RALYL: variants seen among roughly 807,000 people sequenced by gnomAD.
RALYL encodes the protein RALY RNA binding protein like, also known as RNA-binding Raly-like protein.
RALYL carries 29 observed loss-of-function variants against 35.1 expected under a neutral mutation model. That is an observed-to-expected ratio of 0.83 (90% CI 0.61 to 1.13). The LOEUF (loss-of-function observed/expected upper bound fraction) is 1.13. Ranked by LOEUF, RALYL falls within the 50% of genes most tolerant of loss-of-function variation. RALYL has a pLI of 0.00. For synonymous variants in RALYL, 120 were observed against 127.6 expected (o/e 0.94, Z 0.40); for missense variants, 359 against 360.4 (o/e 1.00, Z 0.03).
chr8:84,698,433 T>C (rs557950429), intron 2 of RALYL, among the ~76,000 whole-genome samples: 10 of 152,182 alleles, frequency 6.6e-5, no homozygotes, highest in Non-Finnish European at 1.0e-4. Flanking sequence ...CCAATGATAA[T>C]AACATATATT....
chr8:84,634,258 C>T (rs1203029650), intron 2 of RALYL, among the ~76,000 whole-genome samples: 1 of 151,730 alleles, frequency 6.6e-6, no homozygotes, highest in Non-Finnish European at 1.5e-5. Context: ...TTTCTTTCCT[C>T]CCTACTTTTG....
At chr8:84,803,599 C>G (rs1823873577) in intron 3 of RALYL, among the ~76,000 whole-genome samples, 1 of 152,178 alleles carries the variant, frequency 6.6e-6, no homozygotes, top group South Asian at 2.1e-4. Flanking sequence ...TGCTTCTACC[C>G]TACCTAGAGC....
chr8:84,628,731 GC>G (rs1823287047), intron 2 of RALYL, among the ~76,000 whole-genome samples: 1 of 151,988 alleles, frequency 6.6e-6, no homozygotes, highest in African/African-American at 2.4e-5. Context: ...GGATAGAGGG[GC>G]CTAGCAGGAA....
At chr8:84,918,126 A>G (rs1194747760) in intron 8 of RALYL, among the ~76,000 whole-genome samples, 1 of 152,050 alleles carries the variant, frequency 6.6e-6, no homozygotes, top group Non-Finnish European at 1.5e-5. Flanking sequence ...CCCTAAAAAT[A>G]CAGATGATGT....
At chr8:84,839,710 G>T (rs944693470) in intron 4 of RALYL, among the ~76,000 whole-genome samples, 3 of 152,218 alleles carry the variant, frequency 2.0e-5, no homozygotes, top group African/African-American at 7.2e-5. Flanking sequence ...TAACTGGGAG[G>T]CACTCCCCAG....
intron 2 of RALYL, among the ~76,000 whole-genome samples, chr8:84,633,500 C>A (rs1481255759): frequency 6.6e-6 from 1 of 151,722 alleles, no homozygotes; most frequent in East Asian, 1.9e-4. Context: ...AAAAGAAGTC[C>A]TGAGTAGTTT....
chr8:84,335,380 C>G (rs564981368), intron 1 of RALYL, among the ~76,000 whole-genome samples: 3 of 152,258 alleles, frequency 2.0e-5, no homozygotes, highest in African/African-American at 7.2e-5. Flanking sequence ...CCATGGGAAA[C>G]AAGCATCTTT....
chr8:84,878,274 T>C (rs1427060), intron 7 of RALYL, among the ~76,000 whole-genome samples: 54,199 of 151,832 alleles, frequency 0.36, 10,246 homozygotes, highest in East Asian at 0.72. Context: ...AAAGTTTCCG[T>C]AATTACTGTA....
At chr8:84,588,863 T>C (rs555007085) in intron 2 of RALYL, among the ~76,000 whole-genome samples, 1 of 151,998 alleles carries the variant, frequency 6.6e-6, no homozygotes, top group African/African-American at 2.4e-5. Flanking sequence ...GTGTTTTTTG[T>C]TTTGTTTTTT....
At chr8:84,327,748 G>A (rs1314749295) in intron 1 of RALYL, among the ~76,000 whole-genome samples, 2 of 151,920 alleles carry the variant, frequency 1.3e-5, no homozygotes, top group Non-Finnish European at 2.9e-5. Flanking sequence ...TAAAGCAGTA[G>A]GAATTCATTA....
At chr8:84,321,222 G>A (rs1035223767) in intron 1 of RALYL, among the ~76,000 whole-genome samples, 1 of 152,138 alleles carries the variant, frequency 6.6e-6, no homozygotes, top group African/African-American at 2.4e-5. Flanking sequence ...TACAGTCTTT[G>A]CTTCAACATG....
chr8:84,386,617 G>T (rs938323605), intron 1 of RALYL, among the ~76,000 whole-genome samples: 1 of 151,796 alleles, frequency 6.6e-6, no homozygotes, highest in Non-Finnish European at 1.5e-5. Flanking sequence ...AGAGTTCACA[G>T]ATTTTCCTGG....
intron 1 of RALYL, among the ~76,000 whole-genome samples, chr8:84,505,770 G>A (rs1334370597): frequency 6.6e-6 from 1 of 152,016 alleles, no homozygotes; most frequent in African/African-American, 2.4e-5. Flanking sequence ...AGTTAGAATA[G>A]CATGCTAGAA....
At chr8:84,572,841 A>G (rs370487261) in intron 2 of RALYL, among the ~76,000 whole-genome samples, 2 of 151,748 alleles carry the variant, frequency 1.3e-5, no homozygotes, top group East Asian at 3.9e-4. Flanking sequence ...AACTGCCTTC[A>G]TTTGTCCACT....
At chr8:84,367,975 TGTG>T (rs1258488702) in intron 1 of RALYL, among the ~76,000 whole-genome samples, 5 of 152,194 alleles carry the variant, frequency 3.3e-5, no homozygotes, top group Non-Finnish European at 7.3e-5. Flanking sequence ...AATTTTCTCA[TGTG>T]GTAATGAGGG....
intron 2 of RALYL, among the ~76,000 whole-genome samples, chr8:84,689,333 G>GT (rs1197139531): frequency 1.3e-5 from 2 of 151,960 alleles, no homozygotes; most frequent in African/African-American, 2.4e-5. Flanking sequence ...GCGGTGTTTG[G>GT]TTTTTTGTTC....
chr8:84,226,521 C>G (rs1406058306), intron 1 of RALYL, among the ~76,000 whole-genome samples: 1 of 152,010 alleles, frequency 6.6e-6, no homozygotes, highest in African/African-American at 2.4e-5. Flanking sequence ...ATTCTCCTGC[C>G]TCTGAGTGAT....
chr8:84,555,008 C>T (rs995518576), intron 2 of RALYL, among the ~76,000 whole-genome samples: 9 of 152,094 alleles, frequency 5.9e-5, no homozygotes, highest in Non-Finnish European at 8.8e-5. Context: ...TGGCCTGGCA[C>T]AGTGGCTCAC....
intron 4 of RALYL, among the ~76,000 whole-genome samples, chr8:84,847,852 C>T (rs752484657): frequency 5.3e-5 from 8 of 152,246 alleles, no homozygotes; most frequent in Middle Eastern, 6.8e-3. Flanking sequence ...TGAACCCAAA[C>T]ACCATGTGTT....
Sources: allele counts gnomAD v4.1 joint callset (sites outside exome capture counted in the v4.1 genomes callset), GRCh38; gene constraint gnomAD v4.1.1; transcripts MANE v1.5; gene names NCBI Gene and HGNC (gene_info 2026-07-23, HGNC 2026-07-21).